ELAPOR1: variants seen among roughly 807,000 people sequenced by gnomAD.
ELAPOR1 encodes endosome-lysosome associated apoptosis and autophagy regulator 1, also known as endosome/lysosome-associated apoptosis and autophagy regulator 1.
In ELAPOR1, 77 loss-of-function variants were observed where a neutral mutation model predicts 119.7. The ratio of observed to expected loss-of-function variants is 0.64; its 90% CI spans 0.54 to 0.78. ELAPOR1 has a LOEUF of 0.78. ELAPOR1 is among the 30% of genes least tolerant of loss of function. ELAPOR1 has a pLI of 0.00. For synonymous variants in ELAPOR1, 481 were observed against 487.2 expected (o/e 0.99, Z 0.17); for missense variants, 1,115 against 1,270.4 (o/e 0.88, Z 1.86).
chr1:109,173,590 C>A lies in ELAPOR1; in HGVS notation c.802+11C>A. The A allele has an allele frequency of 6.2e-7, 1 of 1,613,532 alleles. No homozygotes were observed. Among genetic ancestry groups the A allele is most frequent in the Non-Finnish European group, 8.5e-7 (1 of 1,179,492 alleles). ...ACATTGCCATAACAGGTACTGAGAGCAGGGTTACTGACTTCCTGGGCTGTT... is the reference window on the plus strand; with the variant it reads ...ACATTGCCATAACAGGTACTGAGAGAAGGGTTACTGACTTCCTGGGCTGTT... On this transcript the variant is annotated intron_variant, in intron 6 of 21. Transcript: ENST00000369939.
chr1:109,200,936 G>C, intron 21 of ELAPOR1, 36 bp downstream of exon 21: 1 of 1,593,698 alleles, frequency 6.3e-7, no homozygotes, highest in Non-Finnish European at 8.6e-7. Context: ...GGTCAGCCTG[G>C]AGGGCTGGAG....
intron 1 of ELAPOR1, among the ~76,000 whole-genome samples, chr1:109,123,214 G>A (rs1211935060): frequency 6.6e-6 from 1 of 152,174 alleles, no homozygotes; most frequent in Admixed American, 6.5e-5. Flanking sequence ...ACATATGGGG[G>A]ATGGGAAGAA....
At chr1:109,200,984 G>A (rs755695026) in intron 21 of ELAPOR1, 84 bp downstream of exon 21, 86 of 1,314,144 alleles carry the variant, frequency 6.5e-5, no homozygotes, top group East Asian at 9.4e-5. Context: ...GTCCTGTACC[G>A]TTCAGGGATG....
At chr1:109,147,612 G>A (rs945845857) in intron 1 of ELAPOR1, among the ~76,000 whole-genome samples, 1 of 151,962 alleles carries the variant, frequency 6.6e-6, no homozygotes, top group Non-Finnish European at 1.5e-5. Flanking sequence ...CACGAACTCT[G>A]AGTGATAATG....
chr1:109,165,118 CCT>C (rs1651503660), intron 3 of ELAPOR1, among the ~76,000 whole-genome samples: 1 of 151,996 alleles, frequency 6.6e-6, no homozygotes, highest in Admixed American at 6.6e-5. Flanking sequence ...TAGCGAGACC[CCT>C]GTCTCTACAA....
intron 1 of ELAPOR1, among the ~76,000 whole-genome samples, chr1:109,145,211 A>G (rs893294953): frequency 6.6e-6 from 1 of 152,164 alleles, no homozygotes; most frequent in African/African-American, 2.4e-5. Context: ...GGATGCAGCA[A>G]GAAGGCTCTC....
chr1:109,147,990 C>A (rs564553837), intron 1 of ELAPOR1, among the ~76,000 whole-genome samples: 2 of 128,178 alleles, frequency 1.6e-5, no homozygotes, highest in Admixed American at 8.3e-5. Context: ...CCACCACGCC[C>A]GGCTAATTTT....
At position 109,114,341 on chromosome 1, in the gene ELAPOR1, T is replaced by G. The variant is rs376209025; in HGVS notation, c.153+5T>G. 2,038 of 1,579,816 alleles carry G rather than the reference T, an allele frequency of 1.3e-3. 37 individuals are homozygous for G. The South Asian group carries it at 0.022, about 17-fold the overall frequency. On this transcript the variant is annotated splice_donor_5th_base_variant and intron_variant, in intron 1 of 21. Transcript: ENST00000369939. ...GAGCTTCATGCCTGCAAAGAGGTAC[T>G]GCCGCCCCCCTACCCGATCCCGCTT...
chr1:109,114,743 G>A lies in ELAPOR1; in HGVS notation c.153+407G>A, dbSNP rs139961918. The stretch of plus-strand genomic sequence containing the variant: ...AGAAGAGTAGTGGGAGAGGAAAGGA[G>A]TTAGGAAGGCCAGAAAAAAGTATCA... On this transcript the variant is annotated intron_variant, in intron 1 of 21. Coordinates refer to ENST00000369939, the MANE Select transcript of ELAPOR1 (RefSeq NM_020775.5). Among the ~76,000 whole-genome samples the A allele has an allele frequency of 6.6e-3, 1,012 of 152,258 alleles. 17 individuals carry two copies. The highest frequency in any genetic ancestry group is 0.023 in the African/African-American group (963 of 41,556).
chr1:109,181,127 T>C (rs2101083027), intron 7 of ELAPOR1, among the ~76,000 whole-genome samples: 1 of 152,282 alleles, frequency 6.6e-6, no homozygotes, highest in East Asian at 1.9e-4. Context: ...TCAGCGACAC[T>C]GAGGAGCTTC....
At chr1:109,144,336 G>A (rs1650047045) in intron 1 of ELAPOR1, among the ~76,000 whole-genome samples, 1 of 151,804 alleles carries the variant, frequency 6.6e-6, no homozygotes, top group African/African-American at 2.4e-5. Context: ...ACAGGCGTGA[G>A]CCATCGCACC....
intron 1 of ELAPOR1, among the ~76,000 whole-genome samples, chr1:109,145,515 G>T (rs1650120839): frequency 6.6e-6 from 1 of 152,020 alleles, no homozygotes; most frequent in South Asian, 2.1e-4. Flanking sequence ...AATTAGCTGG[G>T]CATGGTGGTG....
intron 3 of ELAPOR1, among the ~76,000 whole-genome samples, chr1:109,169,951 C>T (rs902721680): frequency 1.3e-5 from 2 of 152,016 alleles, no homozygotes; most frequent in South Asian, 4.1e-4. Flanking sequence ...GAGTAATGCA[C>T]AAATATATAT....
rs1210858190 is a variant in ELAPOR1, at chr1:109,188,297, A to G, written c.1162A>G (p.Lys388Glu). The G allele has an allele frequency of 1.2e-6, 2 of 1,614,074 alleles. No homozygotes were observed. Among genetic ancestry groups the G allele is most frequent in the Admixed American group, 3.3e-5 (2 of 60,004 alleles). The change falls in exon 9 of 22, where the codon AAA (lysine) becomes GAA (glutamate). Residue 388 changes from lysine (K) to glutamate (E), a missense_variant. By Grantham distance (56) the Lys-to-Glu change is moderately conservative (BLOSUM62 1). Transcript: ENST00000369939. ...HCPPCNPGFFKTNNSTCQPCP... is the reference protein window; with the variant it reads ...HCPPCNPGFFETNNSTCQPCP... ...CCCACCCTGCAACCCAGGCTTCTTC[A>G]AAACCAACAACAGCACCTGCCAGCC... is the stretch of plus-strand genomic sequence containing the variant.
Position 109,173,724 on chromosome 1 carries a change from C to T in ELAPOR1, c.839C>T (p.Pro280Leu), listed in dbSNP as rs142832562. Reference sequence around the variant, plus strand: ...ACTTCAGAATGCTTCCCCTGCAAACCTGGCACGTATGCAGACAAGCAGGGC... The same window carrying T: ...ACTTCAGAATGCTTCCCCTGCAAACTTGGCACGTATGCAGACAAGCAGGGC... Reference protein sequence around the residue: ...AYTSECFPCKPGTYADKQGSS... With the variant: ...AYTSECFPCKLGTYADKQGSS... The change falls in exon 7 of 22, where the codon CCT becomes CTT. Residue 280 changes from proline to leucine, a missense_variant. Transcript: ENST00000369939. The T allele has an allele frequency of 3.0e-5, 49 of 1,614,032 alleles. No homozygotes were observed. Among genetic ancestry groups the T allele is most frequent in the Non-Finnish European group, 4.1e-5 (48 of 1,180,034 alleles).
intron 8 of ELAPOR1, 27 bp from the exon 9 acceptor site, chr1:109,188,150 T>G: frequency 6.3e-7 from 1 of 1,580,014 alleles, no homozygotes; most frequent in Non-Finnish European, 8.7e-7. Context: ...TCACACAGGC[T>G]GAGTTGTGCT....
chr1:109,149,835 G>C (rs1053750256), intron 1 of ELAPOR1, among the ~76,000 whole-genome samples: 5 of 152,206 alleles, frequency 3.3e-5, no homozygotes, highest in African/African-American at 7.2e-5. Context: ...TCAATGGATC[G>C]TTGAGAGGGG....
At chr1:109,176,243 C>T (rs1652276638) in intron 7 of ELAPOR1, among the ~76,000 whole-genome samples, 1 of 152,148 alleles carries the variant, frequency 6.6e-6, no homozygotes, top group Non-Finnish European at 1.5e-5. Flanking sequence ...GCAGTGCCAG[C>T]AGATGGCTTT....
At position 109,183,344 on chromosome 1, in the gene ELAPOR1, AAAAACAAAAAAAAGAG is replaced by A. The variant is rs879023747; in HGVS notation, c.953-1699_953-1684del. The stretch of plus-strand genomic sequence containing the variant: ...TGTCTCTACCAAAAAAAAAAAAAAA[AAAAACAAAAAAAAGAG>A]AGAGAGAGAGAAAAGAAAACAAACC... On this transcript the variant is annotated intron_variant, in intron 7 of 21. Transcript: ENST00000369939. Among the ~76,000 whole-genome samples, 196 of 48,104 alleles carry A rather than the reference AAAAACAAAAAAAAGAG, an allele frequency of 4.1e-3. 17 individuals carry two copies. Among genetic ancestry groups the A allele is most frequent in the East Asian group, 0.013 (1 of 78 alleles). 31.6% of individuals were successfully genotyped at this position (48,104 alleles called of 152,430 possible).
Sources: gnomAD v4.1 joint callset for allele counts (sites outside exome capture counted in the v4.1 genomes callset) on GRCh38, gnomAD v4.1.1 for gene constraint, MANE v1.5 for transcripts, NCBI Gene and HGNC (gene_info 2026-07-23, HGNC 2026-07-21) for gene names.